MGST1: variants seen among roughly 807,000 people sequenced by gnomAD.
MGST1 encodes glutathione S-transferase 12.
In MGST1, 5 loss-of-function variants were observed where a neutral mutation model predicts 8.9. The observed-to-expected ratio is 0.56, with a 90% CI of 0.29 to 1.19. The LOEUF is 1.19. Ranked by LOEUF, MGST1 falls within the 50% of genes most tolerant of loss-of-function variation. MGST1 has a pLI of 0.08. For missense variants in MGST1, 182 were observed against 187.4 expected (o/e 0.97, Z 0.17); for synonymous variants, 54 against 67.8 (o/e 0.80, Z 1.00).
At chr12:16,395,750 TG>T (rs1008806124) in intron 1 of MGST1, among the ~76,000 whole-genome samples, 3 of 146,698 alleles carry the variant, frequency 2.0e-5, no homozygotes, top group Non-Finnish European at 3.0e-5. Flanking sequence ...GCCATTAATT[TG>T]TTCCTTTAAT....
At chr12:16,432,800 A>C (rs561071295) in intron 1 of MGST1, among the ~76,000 whole-genome samples, 46 of 151,604 alleles carry the variant, frequency 3.0e-4, no homozygotes, top group Non-Finnish European at 5.5e-4. Context: ...TAAATAGAGA[A>C]AAAGATTTAT....
At chr12:16,540,432 G>C (rs1343046981) in intron 4 of MGST1, among the ~76,000 whole-genome samples, 3 of 152,112 alleles carry the variant, frequency 2.0e-5, no homozygotes, top group African/African-American at 7.2e-5. Flanking sequence ...ACCAGCTGGT[G>C]ATTGGTGTAT....
chr12:16,495,127 C>T (rs1049998329), intron 4 of MGST1, among the ~76,000 whole-genome samples: 1 of 152,072 alleles, frequency 6.6e-6, no homozygotes, highest in African/African-American at 2.4e-5. Context: ...CCTACAATGT[C>T]CAGGATAACA....
intron 4 of MGST1, among the ~76,000 whole-genome samples, chr12:16,506,611 G>A (rs1235085058): frequency 6.6e-6 from 1 of 152,098 alleles, no homozygotes; most frequent in Admixed American, 6.6e-5. Context: ...CTGCATACTG[G>A]CCATCTGTTT....
chr12:16,377,136 T>C (rs1565443044), exon 4 of MGST1: 2 of 152,102 alleles, frequency 1.3e-5, no homozygotes, highest in South Asian at 2.1e-4. Context: ...CAGTTTTTTG[T>C]GTGCGTGTGT....
At chr12:16,409,974 A>G (rs1380859599) in intron 1 of MGST1, among the ~76,000 whole-genome samples, 1 of 152,194 alleles carries the variant, frequency 6.6e-6, no homozygotes, top group Non-Finnish European at 1.5e-5. Context: ...ATGTTATCTC[A>G]GAGATAAATC....
At chr12:16,388,568 G>C (rs762041036) in intron 1 of MGST1, among the ~76,000 whole-genome samples, 13 of 152,100 alleles carry the variant, frequency 8.5e-5, no homozygotes, top group Non-Finnish European at 1.8e-4. Flanking sequence ...GCAGATAACT[G>C]GTGTCTACTG....
intron 4 of MGST1, among the ~76,000 whole-genome samples, chr12:16,469,633 G>A (rs1390417271): frequency 6.6e-6 from 1 of 152,192 alleles, no homozygotes; most frequent in East Asian, 1.9e-4. Flanking sequence ...CATCTGTTAA[G>A]GATGCCTGCT....
At chr12:16,485,321 G>A (rs1385485496) in intron 4 of MGST1, among the ~76,000 whole-genome samples, 2 of 152,190 alleles carry the variant, frequency 1.3e-5, no homozygotes, top group East Asian at 3.8e-4. Context: ...CGGTGTAATA[G>A]CCACCAGCTG....
chr12:16,520,131 C>T (rs1240093523), intron 4 of MGST1, among the ~76,000 whole-genome samples: 1 of 152,074 alleles, frequency 6.6e-6, no homozygotes, highest in African/African-American at 2.4e-5. Context: ...AAATTTTCGA[C>T]CCAGAAATTT....
intron 4 of MGST1, among the ~76,000 whole-genome samples, chr12:16,530,707 A>C (rs1340394366): frequency 6.6e-6 from 1 of 152,140 alleles, no homozygotes; most frequent in Non-Finnish European, 1.5e-5. Flanking sequence ...ACCATGAAGT[A>C]AAAGAAAGTA....
chr12:16,453,213 G>A (rs2137115128), intron 4 of MGST1, among the ~76,000 whole-genome samples: 1 of 152,062 alleles, frequency 6.6e-6, no homozygotes, highest in Non-Finnish European at 1.5e-5. Flanking sequence ...AAAACTGAGA[G>A]AGGCAATGTG....
intron 1 of MGST1, among the ~76,000 whole-genome samples, chr12:16,395,488 T>C (rs1047855785): frequency 1.3e-5 from 2 of 152,088 alleles, no homozygotes; most frequent in Admixed American, 6.6e-5. Context: ...AGTTCTTTAG[T>C]GGTGATTTGT....
chr12:16,563,093 C>A (rs976536792), intron 4 of MGST1, among the ~76,000 whole-genome samples: 18 of 152,316 alleles, frequency 1.2e-4, no homozygotes, highest in African/African-American at 4.3e-4. Flanking sequence ...TTTCCATCTA[C>A]ACCTGGACTC....
At chr12:16,372,546 G>A (rs549075807) in intron 3 of MGST1, among the ~76,000 whole-genome samples, 51 of 152,024 alleles carry the variant, frequency 3.4e-4, no homozygotes, top group Non-Finnish European at 5.3e-4. Flanking sequence ...GTGAGAATGT[G>A]GCAAGAGGGG....
At chr12:16,499,740 GT>G (rs1293360869) in intron 4 of MGST1, among the ~76,000 whole-genome samples, 2 of 151,700 alleles carry the variant, frequency 1.3e-5, no homozygotes, top group African/African-American at 2.4e-5. Flanking sequence ...CTCAAGCTCC[GT>G]TTCTCAGTTC....
chr12:16,390,474 G>GT (rs1398661618), intron 1 of MGST1, among the ~76,000 whole-genome samples: 1 of 152,088 alleles, frequency 6.6e-6, no homozygotes. Context: ...GTAGGCCCCA[G>GT]TGTCTGTCGT....
intron 1 of MGST1, among the ~76,000 whole-genome samples, chr12:16,385,269 T>G (rs983488811): frequency 7.9e-5 from 12 of 152,218 alleles, no homozygotes; most frequent in Non-Finnish European, 1.5e-4. Flanking sequence ...AGAAATAGTT[T>G]GAACTGCAAT....
intron 1 of MGST1, among the ~76,000 whole-genome samples, chr12:16,393,759 C>G (rs998938939): frequency 6.6e-6 from 1 of 152,092 alleles, no homozygotes; most frequent in African/African-American, 2.4e-5. Flanking sequence ...ACCTGTGGCC[C>G]AGAGGTATCT....
Sources: allele counts gnomAD v4.1 joint callset (sites outside exome capture counted in the v4.1 genomes callset), GRCh38; gene constraint gnomAD v4.1.1; transcripts MANE v1.5; gene names NCBI Gene and HGNC (gene_info 2026-07-23, HGNC 2026-07-21).